Variants in KCNAB1 observed in about 807,000 individuals in gnomAD.
The protein encoded by KCNAB1 is potassium voltage-gated channel subfamily A regulatory beta subunit 1.
A neutral mutation model predicts 64.6 loss-of-function variants in KCNAB1; 35 were observed. The observed-to-expected ratio is 0.54, with a 90% CI of 0.41 to 0.72. KCNAB1 has a LOEUF of 0.72. Among genes scored for constraint, KCNAB1 ranks in the 30% least tolerant of loss-of-function variants. The pLI is 0.00. For missense variants in KCNAB1, 401 were observed against 512.9 expected, an observed-to-expected ratio of 0.78 and a Z score of 2.11; for synonymous variants, 177 against 183.8, an observed-to-expected ratio of 0.96 and a Z score of 0.30.
Position 156,348,589 on chromosome 3 carries a change from T to G in KCNAB1, c.276-73027T>G, listed in dbSNP as rs193143445. 1.5e-4 allele frequency among the ~76,000 whole-genome samples: 23 copies of G among 152,332 alleles called. No individual in the cohort carries two copies. In the East Asian group the frequency reaches 4.4e-3, roughly 29 times the overall value. On this transcript the variant is annotated intron_variant, in intron 1 of 13. Transcript: ENST00000490337. ...GTGTTCCATTTTAGACATGTAAGGT[T>G]TGAGATAACTGCATGACATCCAAGT...
chr3:156,379,286 C>T (rs144183404), intron 1 of KCNAB1, among the ~76,000 whole-genome samples: 2,024 of 152,334 alleles, frequency 0.013, 17 homozygotes, highest in South Asian at 0.031. Flanking sequence ...ACAAATCCAA[C>T]AAACATCTCT....
intron 1 of KCNAB1, among the ~76,000 whole-genome samples, chr3:156,209,108 T>C (rs915046034): frequency 6.6e-6 from 1 of 152,238 alleles, no homozygotes; most frequent in African/African-American, 2.4e-5. Flanking sequence ...AGTAAATTTG[T>C]ATACAATCAC....
chr3:156,156,391 A>G (rs1560111425), intron 1 of KCNAB1, among the ~76,000 whole-genome samples: 2 of 152,164 alleles, frequency 1.3e-5, no homozygotes, highest in African/African-American at 2.4e-5. Flanking sequence ...ATTATTTTTT[A>G]AAAGGATTGT....
At chr3:156,521,869 C>T (rs1372226083) in intron 11 of KCNAB1, among the ~76,000 whole-genome samples, 1 of 151,756 alleles carries the variant, frequency 6.6e-6, no homozygotes. Flanking sequence ...CCCTAATCTG[C>T]TTGTATTTCC....
intron 7 of KCNAB1, among the ~76,000 whole-genome samples, chr3:156,466,552 G>A (rs1188659019): frequency 6.6e-6 from 1 of 151,484 alleles, no homozygotes; most frequent in Non-Finnish European, 1.5e-5. Flanking sequence ...TTTGGGGTAC[G>A]AGTAGTTTTT....
chr3:156,531,542 C>T (rs766447616), intron 13 of KCNAB1, 45 bp downstream of exon 13: 23 of 1,377,630 alleles, frequency 1.7e-5, no homozygotes, highest in Non-Finnish European at 2.3e-5. Flanking sequence ...TTAATGGTGC[C>T]TTTGAGGCTA....
chr3:156,362,055 A>G (rs561641600), intron 1 of KCNAB1, among the ~76,000 whole-genome samples: 1 of 152,368 alleles, frequency 6.6e-6, no homozygotes, highest in Non-Finnish European at 1.5e-5. Flanking sequence ...TAAAAAAACT[A>G]GACAAGAATA....
At chr3:156,486,551 C>T (rs2108343014) in intron 8 of KCNAB1, among the ~76,000 whole-genome samples, 1 of 152,162 alleles carries the variant, frequency 6.6e-6, no homozygotes, top group South Asian at 2.1e-4. Context: ...TGATGCATGC[C>T]TGGAAAATCC....
intron 1 of KCNAB1, among the ~76,000 whole-genome samples, chr3:156,251,258 A>T (rs1005125413): frequency 6.6e-6 from 1 of 152,254 alleles, no homozygotes; most frequent in African/African-American, 2.4e-5. Flanking sequence ...TGAGTTTCAC[A>T]CAAGGGGCTT....
intron 1 of KCNAB1, among the ~76,000 whole-genome samples, chr3:156,158,853 A>C (rs1715910992): frequency 6.6e-6 from 1 of 152,178 alleles, no homozygotes; most frequent in Admixed American, 6.5e-5. Flanking sequence ...GGCACCTTTC[A>C]TTTCCCAGAA....
chr3:156,293,978 C>T lies in KCNAB1; in HGVS notation c.276-127638C>T, dbSNP rs78502122. On this transcript the variant is annotated intron_variant, in intron 1 of 13. Coordinates refer to ENST00000490337, the MANE Select transcript of KCNAB1 (RefSeq NM_172160.3). The stretch of plus-strand genomic sequence containing the variant: ...TTTAAATTGTGGCCTCTAGTACTTT[C>T]GCAGCACTATGAACTTTCTTTTTGT... Among the ~76,000 whole-genome samples, 1,452 of 152,296 alleles carry T rather than the reference C, an allele frequency of 9.5e-3. 18 individuals carry two copies. The highest frequency in any genetic ancestry group is 0.033 in the African/African-American group (1,367 of 41,554).
chr3:156,532,416 G>A (rs1004390243), intron 13 of KCNAB1, among the ~76,000 whole-genome samples: 1 of 152,130 alleles, frequency 6.6e-6, no homozygotes, highest in African/African-American at 2.4e-5. Flanking sequence ...CACAATTCCT[G>A]CCATAGCCAC....
chr3:156,489,807 AT>A (rs201840958), intron 8 of KCNAB1, among the ~76,000 whole-genome samples: 5 of 152,004 alleles, frequency 3.3e-5, no homozygotes, highest in East Asian at 3.9e-4. Context: ...CTGAGGAAAG[AT>A]TTTTTTTAAG....
chr3:156,172,645 G>A (rs1229519507), intron 1 of KCNAB1, among the ~76,000 whole-genome samples: 1 of 152,216 alleles, frequency 6.6e-6, no homozygotes, highest in Non-Finnish European at 1.5e-5. Context: ...TCCCAGGTCA[G>A]TGGTTAGTGG....
chr3:156,479,562 G>C (rs1714635841), intron 8 of KCNAB1, among the ~76,000 whole-genome samples: 1 of 152,096 alleles, frequency 6.6e-6, no homozygotes, highest in African/African-American at 2.4e-5. Context: ...ACCACTTGTA[G>C]ACAACAGCAA....
intron 13 of KCNAB1, among the ~76,000 whole-genome samples, chr3:156,534,772 T>C (rs1214917932): frequency 3.3e-5 from 5 of 152,308 alleles, no homozygotes; most frequent in Middle Eastern, 3.4e-3. Flanking sequence ...TCCCAGGCAG[T>C]GTAACATCAA....
intron 1 of KCNAB1, among the ~76,000 whole-genome samples, chr3:156,333,610 C>A (rs953355473): frequency 6.6e-6 from 1 of 152,114 alleles, no homozygotes; most frequent in African/African-American, 2.4e-5. Context: ...ACAACACATG[C>A]ATTTTTGTAT....
intron 1 of KCNAB1, among the ~76,000 whole-genome samples, chr3:156,186,704 T>G (rs1281942098): frequency 6.6e-6 from 1 of 152,176 alleles, no homozygotes; most frequent in Non-Finnish European, 1.5e-5. Flanking sequence ...CTAGGAACAC[T>G]GCCCTCTACA....
intron 8 of KCNAB1, among the ~76,000 whole-genome samples, chr3:156,514,027 G>T (rs1426778414): frequency 6.6e-6 from 1 of 152,124 alleles, no homozygotes; most frequent in African/African-American, 2.4e-5. Context: ...AGGTACTCAG[G>T]CTCTTAAAAA....
Sources: allele counts gnomAD v4.1 joint callset (sites outside exome capture counted in the v4.1 genomes callset), GRCh38; gene constraint gnomAD v4.1.1; transcripts MANE v1.5; gene names NCBI Gene and HGNC (gene_info 2026-07-23, HGNC 2026-07-21).